Variants in NSD1 observed in about 807,000 individuals in gnomAD.
NSD1 encodes nuclear receptor binding SET domain protein 1.
NSD1 carries 26 observed loss-of-function variants against 242.7 expected under a neutral mutation model. The ratio of observed to expected loss-of-function variants is 0.11; its 90% CI spans 0.08 to 0.15. The LOEUF is 0.15. NSD1 is among the 10% of genes least tolerant of loss of function. NSD1 has a pLI of 1.00. For missense variants in NSD1, 2,495 were observed against 3,272.8 expected (o/e 0.76, Z 5.80); for synonymous variants, 1,106 against 1,178.1 (o/e 0.94, Z 1.25).
intron 5 of NSD1, among the ~76,000 whole-genome samples, chr5:177,221,697 C>T (rs1764251012): frequency 6.6e-6 from 1 of 152,132 alleles, no homozygotes; most frequent in South Asian, 2.1e-4. Context: ...ACTCGAACTC[C>T]TGACCTTATG....
intron 2 of NSD1, among the ~76,000 whole-genome samples, chr5:177,179,659 G>A (rs1322335592): frequency 6.6e-6 from 1 of 152,210 alleles, no homozygotes; most frequent in Non-Finnish European, 1.5e-5. Context: ...CCTACAAGGG[G>A]CTCTCATGAG....
chr5:177,164,973 T>G (rs1434976314), intron 2 of NSD1, among the ~76,000 whole-genome samples: 1 of 150,956 alleles, frequency 6.6e-6, no homozygotes, highest in East Asian at 1.9e-4. Flanking sequence ...AGGTAAAATT[T>G]AAATAACTTA....
chr5:177,180,955 A>G (rs1179255934), intron 2 of NSD1, among the ~76,000 whole-genome samples: 1 of 152,070 alleles, frequency 6.6e-6, no homozygotes, highest in African/African-American at 2.4e-5. Flanking sequence ...TGCTGGGATT[A>G]CAGGCGTGAG....
chr5:177,146,226 G>A (rs1257113979), intron 2 of NSD1, among the ~76,000 whole-genome samples: 2 of 111,178 alleles, frequency 1.8e-5, no homozygotes, highest in African/African-American at 3.6e-5. Context: ...TTTTTTTTGA[G>A]TCGGAGTCTC....
intron 2 of NSD1, among the ~76,000 whole-genome samples, chr5:177,188,967 C>G (rs1761460138): frequency 6.6e-6 from 1 of 151,996 alleles, no homozygotes; most frequent in Non-Finnish European, 1.5e-5. Context: ...GGGTTGAGCT[C>G]AGGAGGCGAA....
intron 2 of NSD1, among the ~76,000 whole-genome samples, chr5:177,175,912 G>C (rs1207374715): frequency 1.3e-5 from 2 of 149,976 alleles, no homozygotes; most frequent in Admixed American, 6.7e-5. Context: ...GTCTTGCCCT[G>C]TCACCCATGT....
intron 2 of NSD1, among the ~76,000 whole-genome samples, chr5:177,158,297 C>CTTTCTTTCT (rs1350704343): frequency 3.2e-3 from 330 of 103,966 alleles, no homozygotes; most frequent in Middle Eastern, 0.019. Flanking sequence ...TTCTTTCTTT[C>CTTTCTTTCT]TTTCTTTTCT....
chr5:177,183,734 T>TA lies in NSD1; in HGVS notation c.928-8149dup, dbSNP rs531254711. The stretch of plus-strand genomic sequence containing the variant: ...ATTATTTCTAACTTTTTTTTGGACT[T>TA]ACTGAATCATCTGTTCTTTTGTTTT... On this transcript the variant is annotated intron_variant, in intron 2 of 22. Transcript: ENST00000439151. Among the ~76,000 whole-genome samples, 13 of 152,334 alleles carry TA rather than the reference T, an allele frequency of 8.5e-5. No individual in the cohort carries two copies. In the East Asian group the frequency reaches 1.5e-3, roughly 18 times the overall value.
At chr5:177,249,460 T>A (rs10866704) in intron 11 of NSD1, among the ~76,000 whole-genome samples, 97,712 of 147,192 alleles carry the variant, frequency 0.66, 32,939 homozygotes, top group Middle Eastern at 0.76. Context: ...TAATTAATTA[T>A]TTATTTATTT....
rs962208551 is a variant in NSD1 at position 177,211,228 on chromosome 5, C to T, written c.2829C>T (p.Asp943=). 1.9e-6 allele frequency: 3 copies of T among 1,613,888 alleles called. No homozygotes were observed. Among genetic ancestry groups the T allele is most frequent in the Non-Finnish European group, 2.5e-6 (3 of 1,179,964 alleles). Reference sequence around the variant, plus strand: ...CTTACCGGAGTCCTGGTCGTGGGGACTGTTCTACTAATAGTCCTGTAGGAG... The same window carrying T: ...CTTACCGGAGTCCTGGTCGTGGGGATTGTTCTACTAATAGTCCTGTAGGAG... ...LVSYRSPGRG[D]CSTNSPVGVS... Residue 943 remains aspartate, a synonymous_variant, in exon 5 of 23, where the codon GAC becomes GAT. Coordinates refer to ENST00000439151, the MANE Select transcript of NSD1 (RefSeq NM_022455.5).
At chr5:177,225,602 T>TG (rs1764576958) in intron 5 of NSD1, among the ~76,000 whole-genome samples, 1 of 152,156 alleles carries the variant, frequency 6.6e-6, no homozygotes, top group Non-Finnish European at 1.5e-5. Flanking sequence ...TTTATATAGA[T>TG]CTACCTTTGC....
At chr5:177,153,556 T>C (rs1454546893) in intron 2 of NSD1, among the ~76,000 whole-genome samples, 5 of 152,302 alleles carry the variant, frequency 3.3e-5, no homozygotes, top group East Asian at 1.9e-4. Flanking sequence ...TTTATACATA[T>C]TAAATTTCTG....
At chr5:177,283,996 T>C (rs1053248943) in intron 20 of NSD1, 68 bp downstream of exon 20, 9 of 1,547,842 alleles carry the variant, frequency 5.8e-6, no homozygotes, top group Middle Eastern at 1.7e-4. Flanking sequence ...TACAAACAGC[T>C]TCCTCAGATT....
At chr5:177,212,267 T>C (rs2149850098) in intron 5 of NSD1, 72 bp downstream of exon 5, 1 of 1,489,846 alleles carries the variant, frequency 6.7e-7, no homozygotes, top group Admixed American at 1.9e-5. Context: ...CTTCTGAAAT[T>C]GGTCTGTTGT....
At chr5:177,251,948 A>G in intron 12 of NSD1, 95 bp downstream of exon 12, 2 of 1,472,610 alleles carry the variant, frequency 1.4e-6, no homozygotes, top group Non-Finnish European at 9.5e-7. Context: ...TTGTGGCAAC[A>G]CTGGGCTAGT....
At chr5:177,241,711 A>G (rs140230843) in intron 8 of NSD1, among the ~76,000 whole-genome samples, 26 of 152,234 alleles carry the variant, frequency 1.7e-4, no homozygotes, top group African/African-American at 5.5e-4. Context: ...AACTCTGGAG[A>G]AAAGTGTCCT....
chr5:177,137,662 C>G (rs192911358), intron 2 of NSD1, among the ~76,000 whole-genome samples: 1 of 151,924 alleles, frequency 6.6e-6, no homozygotes, highest in Non-Finnish European at 1.5e-5. Context: ...ATATATATAT[C>G]GTGTCTTTGT....
intron 5 of NSD1, among the ~76,000 whole-genome samples, chr5:177,218,525 T>C (rs1022557100): frequency 6.6e-6 from 1 of 152,112 alleles, no homozygotes; most frequent in African/African-American, 2.4e-5. Context: ...TTTTGAACCA[T>C]CGTTGCATTC....
At chr5:177,289,834 G>GTTT (rs377041363) in intron 21 of NSD1, among the ~76,000 whole-genome samples, 13 of 143,450 alleles carry the variant, frequency 9.1e-5, no homozygotes, top group African/African-American at 3.3e-4. Context: ...GTTGTTTTGT[G>GTTT]TTTTTTTTTT....
Sources: gnomAD v4.1 joint callset for allele counts (sites outside exome capture counted in the v4.1 genomes callset) on GRCh38, gnomAD v4.1.1 for gene constraint, MANE v1.5 for transcripts, NCBI Gene and HGNC (gene_info 2026-07-23, HGNC 2026-07-21) for gene names.